DPP10: variants seen among roughly 807,000 people sequenced by gnomAD.
DPP10 encodes the protein inactive dipeptidyl peptidase 10.
Under a neutral mutation model 120.9 loss-of-function variants are expected in DPP10, and 33 were observed. That is an observed-to-expected ratio of 0.27 (90% CI 0.21 to 0.37). DPP10 has a LOEUF of 0.37. Ranked by LOEUF, DPP10 falls within the 10% of genes least tolerant of loss-of-function variation. The pLI, the probability that DPP10 is intolerant of heterozygous loss-of-function variation, is 1.00. For synonymous variants in DPP10, 337 were observed against 326.1 expected, an observed-to-expected ratio of 1.03 and a Z score of -0.36; for missense variants, 816 against 942.8, an observed-to-expected ratio of 0.87 and a Z score of 1.76.
At chr2:115,304,561 T>C (rs1559393180) in intron 1 of DPP10, among the ~76,000 whole-genome samples, 1 of 152,084 alleles carries the variant, frequency 6.6e-6, no homozygotes, top group Non-Finnish European at 1.5e-5. Flanking sequence ...TTTTTCCTTG[T>C]ATTTTCTCTA....
intron 5 of DPP10, among the ~76,000 whole-genome samples, chr2:115,616,751 T>C (rs1230767736): frequency 6.6e-6 from 1 of 152,072 alleles, no homozygotes; most frequent in African/African-American, 2.4e-5. Context: ...CTTCTCTGAT[T>C]CCTTTAGAGG....
At chr2:114,508,184 G>A (rs976019513) in intron 1 of DPP10, among the ~76,000 whole-genome samples, 5 of 152,002 alleles carry the variant, frequency 3.3e-5, no homozygotes, top group African/African-American at 9.7e-5. Flanking sequence ...TCAAGTAAAC[G>A]TCCTTACACT....
intron 17 of DPP10, among the ~76,000 whole-genome samples, chr2:115,787,467 G>A (rs1401965256): frequency 6.6e-6 from 1 of 152,120 alleles, no homozygotes; most frequent in Non-Finnish European, 1.5e-5. Flanking sequence ...AAACTTCACT[G>A]GAAAATACTA....
chr2:115,160,116 C>T (rs1220987551), intron 1 of DPP10, among the ~76,000 whole-genome samples: 1 of 152,140 alleles, frequency 6.6e-6, no homozygotes, highest in African/African-American at 2.4e-5. Context: ...GGATAAGCTG[C>T]CCAATAGCTA....
chr2:115,746,277 A>G (rs1677961053), intron 10 of DPP10, 94 bp downstream of exon 10: 2 of 1,087,716 alleles, frequency 1.8e-6, no homozygotes, highest in Admixed American at 2.2e-5. Context: ...GATCAGCTCA[A>G]CAAATCCACT....
chr2:114,728,056 C>G (rs944212689), intron 1 of DPP10, among the ~76,000 whole-genome samples: 1 of 152,190 alleles, frequency 6.6e-6, no homozygotes, highest in Non-Finnish European at 1.5e-5. Context: ...ATCAGTGTTT[C>G]ATCTTCAGGC....
At chr2:115,231,551 A>G (rs1018317129) in intron 1 of DPP10, among the ~76,000 whole-genome samples, 5 of 152,148 alleles carry the variant, frequency 3.3e-5, no homozygotes, top group African/African-American at 1.2e-4. Flanking sequence ...GAAGAAATTC[A>G]TCTCTTAAAT....
intron 1 of DPP10, chr2:115,162,341 C>G: frequency 6.9e-7 from 1 of 1,440,150 alleles, no homozygotes; most frequent in Non-Finnish European, 9.1e-7. Context: ...GCGGCCGGGA[C>G]CAAGGAATGG....
intron 5 of DPP10, among the ~76,000 whole-genome samples, chr2:115,662,262 C>G (rs1371622761): frequency 1.3e-5 from 2 of 152,092 alleles, no homozygotes; most frequent in Admixed American, 1.3e-4. Context: ...TCCATCCATC[C>G]ACTGCAAGAC....
intron 3 of DPP10, among the ~76,000 whole-genome samples, chr2:115,445,838 C>G (rs1363892949): frequency 6.6e-6 from 1 of 152,180 alleles, no homozygotes; most frequent in East Asian, 1.9e-4. Flanking sequence ...CAGAGCCTGT[C>G]AGACCTCCAT....
chr2:114,585,761 A>T (rs1690922239), intron 1 of DPP10, among the ~76,000 whole-genome samples: 1 of 152,084 alleles, frequency 6.6e-6, no homozygotes, highest in South Asian at 2.1e-4. Context: ...CCAGAATTGG[A>T]TTTTCTCTCA....
intron 3 of DPP10, among the ~76,000 whole-genome samples, chr2:115,369,171 A>G (rs2065251031): frequency 6.6e-6 from 1 of 152,112 alleles, no homozygotes; most frequent in African/African-American, 2.4e-5. Context: ...TCAGACTGCT[A>G]CCCAGACAGT....
chr2:114,875,755 A>G (rs998634612), intron 1 of DPP10, among the ~76,000 whole-genome samples: 1 of 152,172 alleles, frequency 6.6e-6, no homozygotes, highest in Non-Finnish European at 1.5e-5. Context: ...ACATACTTCT[A>G]TGTCACATGC....
chr2:115,841,886 G>A (rs1164372762), intron 25 of DPP10, among the ~76,000 whole-genome samples: 1 of 152,174 alleles, frequency 6.6e-6, no homozygotes, highest in African/African-American at 2.4e-5. Flanking sequence ...CCTAAAAAGG[G>A]GAGGAGAGGC....
At chr2:115,721,522 T>C (rs1213690509) in intron 7 of DPP10, among the ~76,000 whole-genome samples, 1 of 152,052 alleles carries the variant, frequency 6.6e-6, no homozygotes, top group Non-Finnish European at 1.5e-5. Context: ...ACAATAAATA[T>C]AGTGACTAAT....
At chr2:114,787,842 C>T (rs1008209471) in intron 1 of DPP10, among the ~76,000 whole-genome samples, 18 of 152,180 alleles carry the variant, frequency 1.2e-4, no homozygotes, top group African/African-American at 3.9e-4. Context: ...AAGCCTTATT[C>T]CTATCCTCAA....
intron 1 of DPP10, among the ~76,000 whole-genome samples, chr2:115,227,701 T>C (rs1246222246): frequency 2.0e-5 from 3 of 152,280 alleles, no homozygotes; most frequent in South Asian, 2.1e-4. Flanking sequence ...CCAAAGTTCA[T>C]CTAATGCATT....
intron 5 of DPP10, among the ~76,000 whole-genome samples, chr2:115,680,225 A>G (rs990901846): frequency 2.0e-5 from 3 of 152,022 alleles, no homozygotes; most frequent in Non-Finnish European, 4.4e-5. Context: ...ATTTTTATTC[A>G]ACAATATTTA....
chr2:115,638,100 C>A (rs2086499823), intron 5 of DPP10, among the ~76,000 whole-genome samples: 1 of 152,184 alleles, frequency 6.6e-6, no homozygotes, highest in African/African-American at 2.4e-5. Flanking sequence ...GAATTATGCA[C>A]TTTCATATAC....
Sources: gnomAD v4.1 joint callset for allele counts (sites outside exome capture counted in the v4.1 genomes callset) on GRCh38, gnomAD v4.1.1 for gene constraint, MANE v1.5 for transcripts, NCBI Gene and HGNC (gene_info 2026-07-23, HGNC 2026-07-21) for gene names.